Variants in A1CF observed in about 807,000 individuals in gnomAD.
A1CF encodes the protein APOBEC1 complementation factor.
In A1CF, 48 loss-of-function variants were observed where a neutral mutation model predicts 68.9. The observed-to-expected ratio is 0.70, with a 90% CI of 0.55 to 0.89. The LOEUF (loss-of-function observed/expected upper bound fraction) is 0.89. Ranked by LOEUF, A1CF falls within the 40% of genes least tolerant of loss-of-function variation. A1CF has a pLI of 0.00. For synonymous variants in A1CF, 272 were observed against 260.4 expected (o/e 1.04, Z -0.43); for missense variants, 653 against 718.9 (o/e 0.91, Z 1.05).
At chr10:50,853,769 A>G (rs1166793649) in intron 3 of A1CF, among the ~76,000 whole-genome samples, 2 of 150,912 alleles carry the variant, frequency 1.3e-5, no homozygotes, top group Non-Finnish European at 3.0e-5. Context: ...TTTTTTTGTA[A>G]AAGGCCAAAT....
intron 11 of A1CF, 22 bp downstream of exon 11, chr10:50,811,018 G>A: frequency 6.2e-7 from 1 of 1,601,506 alleles, no homozygotes; most frequent in Non-Finnish European, 8.5e-7. Context: ...AAAATGGTAA[G>A]GAATTTGGAG....
At chr10:50,852,577 G>A (rs146735620) in intron 3 of A1CF, among the ~76,000 whole-genome samples, 6 of 152,234 alleles carry the variant, frequency 3.9e-5, no homozygotes, top group African/African-American at 9.6e-5. Context: ...ATTGGTATCC[G>A]TGCACTTGGT....
intron 10 of A1CF, 47 bp from the exon 11 acceptor site, chr10:50,811,223 A>T: frequency 6.4e-7 from 1 of 1,557,584 alleles, no homozygotes; most frequent in Non-Finnish European, 8.7e-7. Flanking sequence ...ACACATTCAC[A>T]TTATTTCCCA....
chr10:50,823,406 C>T (rs765612692), intron 7 of A1CF: 5 of 152,144 alleles, frequency 3.3e-5, no homozygotes, highest in African/African-American at 7.2e-5. Flanking sequence ...AAAAGATCCT[C>T]TGAAATCATG....
At chr10:50,830,096 C>T (rs1839167790) in intron 6 of A1CF, among the ~76,000 whole-genome samples, 2 of 152,054 alleles carry the variant, frequency 1.3e-5, no homozygotes, top group South Asian at 4.1e-4. Context: ...TATACAAATA[C>T]ATTAACTATA....
intron 5 of A1CF, among the ~76,000 whole-genome samples, chr10:50,839,215 G>T (rs1283992521): frequency 6.6e-6 from 1 of 152,110 alleles, no homozygotes; most frequent in Non-Finnish European, 1.5e-5. Flanking sequence ...AGTATTTACA[G>T]GCCCTATTGG....
At chr10:50,835,576 G>A (rs1456416321) in intron 6 of A1CF, among the ~76,000 whole-genome samples, 3 of 152,082 alleles carry the variant, frequency 2.0e-5, no homozygotes, top group Non-Finnish European at 4.4e-5. Context: ...ACAAATAAAG[G>A]TGGCTTTCTA....
At chr10:50,856,437 T>C (rs1840479395) in intron 3 of A1CF, among the ~76,000 whole-genome samples, 1 of 152,114 alleles carries the variant, frequency 6.6e-6, no homozygotes. Context: ...TTCTACATTA[T>C]TGAAGCACTT....
rs957664175 is a variant in A1CF, at chr10:50,804,654, A to C, written c.*2075T>G. The C allele has an allele frequency of 1.3e-5, 2 of 152,214 alleles. No individual in the cohort carries two copies. The highest frequency in any genetic ancestry group is 2.4e-5 in the African/African-American group (1 of 41,460). The allele number at this position is 152,214 out of a possible 1,614,324, so 9.4% of individuals were successfully genotyped here. A position where few individuals can be genotyped will look rare whatever the true frequency, so the allele number is the denominator to read the frequency against. On this transcript the variant is annotated 3_prime_UTR_variant, in exon 13 of 13. Transcript: ENST00000373997. ...TTTCTCATTTTTAGAGTTAGTTTGA[A>C]GCCTACGTAAGTTACATTTAAATTC...
chr10:50,817,360 A>G (rs764175069), intron 8 of A1CF, among the ~76,000 whole-genome samples: 13 of 152,198 alleles, frequency 8.5e-5, no homozygotes, highest in Admixed American at 5.2e-4. Context: ...TCTGATTTCA[A>G]CAGTGACTCA....
chr10:50,827,125 T>C (rs1838981174), intron 7 of A1CF, among the ~76,000 whole-genome samples: 1 of 151,874 alleles, frequency 6.6e-6, no homozygotes, highest in South Asian at 2.1e-4. Context: ...GTACCCAGAG[T>C]CATAAAGCAA....
At chr10:50,819,868 G>A (rs188798857) in intron 8 of A1CF, among the ~76,000 whole-genome samples, 17 of 152,140 alleles carry the variant, frequency 1.1e-4, no homozygotes, top group East Asian at 7.7e-4. Flanking sequence ...TGCTCACCAC[G>A]TTTATCTCTC....
In A1CF at chr10:50,800,040, A is replaced by T. The variant is rs1837537236; in HGVS notation, c.*6689T>A. The T allele has an allele frequency of 6.6e-6, 1 of 152,166 alleles. No homozygotes were observed. The highest frequency in any genetic ancestry group is 2.1e-4 in the South Asian group (1 of 4,832). The allele number at this position is 152,166 out of a possible 1,614,324, so 9.4% of individuals were successfully genotyped here. A position where few individuals can be genotyped will look rare whatever the true frequency, so the allele number is the denominator to read the frequency against. ...GTTTCAAAATAAAATTTACATTTGT[A>T]AAAAGGTATATATACTTTATTGCAA... On this transcript the variant is annotated 3_prime_UTR_variant, in exon 13 of 13. Coordinates refer to ENST00000373997, the MANE Select transcript of A1CF (RefSeq NM_014576.4).
rs1837631401 is a variant in A1CF, at chr10:50,802,300, A to AT, written c.*4428dup. ...GGGCAAACTAAAATTTCAAAATCAA[A>AT]TTTGACAGTTTAACAAAACCTGATT... On this transcript the variant is annotated 3_prime_UTR_variant, in exon 13 of 13. Transcript: ENST00000373997. 6.6e-6 allele frequency: 1 copy of AT among 152,198 alleles called. No individual in the cohort carries two copies. Among genetic ancestry groups the AT allele is most frequent in the African/African-American group, 2.4e-5 (1 of 41,456 alleles). 9.4% of individuals were successfully genotyped at this position (152,198 alleles called of 1,614,324 possible).
intron 6 of A1CF, among the ~76,000 whole-genome samples, chr10:50,831,284 G>A (rs56791001): frequency 8.5e-4 from 129 of 152,174 alleles, no homozygotes; most frequent in African/African-American, 2.9e-3. Context: ...TAAACTTTCC[G>A]CACAGCAAAG....
rs145628494 is a variant in A1CF at position 50,825,450 on chromosome 10, T to A, written c.769+2681A>T. Among the ~76,000 whole-genome samples, 14 of 152,260 alleles carry A rather than the reference T, an allele frequency of 9.2e-5. No individual in the cohort carries two copies. In the East Asian group the frequency reaches 2.7e-3, roughly 29 times the overall value. ...GCTTCTTGGAGAATTTCAAAGCATG[T>A]TAGAAGGCAAAAGACTTTGATAAGT... On this transcript the variant is annotated intron_variant, in intron 7 of 12. Transcript: ENST00000373997.
intron 3 of A1CF, among the ~76,000 whole-genome samples, chr10:50,847,873 A>G (rs1446029506): frequency 6.6e-6 from 1 of 152,042 alleles, no homozygotes; most frequent in Non-Finnish European, 1.5e-5. Flanking sequence ...CAATTATGTG[A>G]TGTGGTTTTG....
At chr10:50,872,154 T>C (rs1841298514) in intron 1 of A1CF, among the ~76,000 whole-genome samples, 2 of 152,174 alleles carry the variant, frequency 1.3e-5, no homozygotes, top group African/African-American at 4.8e-5. Context: ...TAATCTTTAG[T>C]GATCAGGAAA....
intron 1 of A1CF, among the ~76,000 whole-genome samples, chr10:50,868,946 G>A (rs1841124715): frequency 6.6e-6 from 1 of 152,078 alleles, no homozygotes. Context: ...GGGAACACAT[G>A]GACACATAGA....
Sources: allele counts gnomAD v4.1 joint callset (sites outside exome capture counted in the v4.1 genomes callset), GRCh38; gene constraint gnomAD v4.1.1; transcripts MANE v1.5; gene names NCBI Gene and HGNC (gene_info 2026-07-23, HGNC 2026-07-21).